ASTN2: variants seen among roughly 807,000 people sequenced by gnomAD.
ASTN2 encodes astrotactin-2.
A neutral mutation model predicts 139.8 loss-of-function variants in ASTN2; 54 were observed. The ratio of observed to expected loss-of-function variants is 0.39; its 90% confidence interval spans 0.31 to 0.48. The LOEUF (loss-of-function observed/expected upper bound fraction) is 0.48, where lower values mean the gene tolerates loss of function less well. Ranked by LOEUF, ASTN2 falls within the 20% of genes least tolerant of loss-of-function variation. The probability of loss-of-function intolerance (pLI) is 0.95; values close to 1 mark genes in which losing one functional copy is unlikely to be tolerated. For missense variants in ASTN2, 1,565 were observed against 1,725.1 expected (o/e 0.91, Z 1.64); for synonymous variants, 756 against 719.5 (o/e 1.05, Z -0.81).
intron 3 of ASTN2, among the ~76,000 whole-genome samples, chr9:117,172,303 C>T (rs1404607851): frequency 6.6e-6 from 1 of 151,916 alleles, no homozygotes; most frequent in Non-Finnish European, 1.5e-5. Flanking sequence ...CTTGTTTGAC[C>T]AAAGAACTGG....
chr9:117,347,772 G>A (rs1193076577), intron 1 of ASTN2, among the ~76,000 whole-genome samples: 1 of 152,156 alleles, frequency 6.6e-6, no homozygotes, highest in Non-Finnish European at 1.5e-5. Context: ...TTGCTAAAGA[G>A]GAACAAAAAG....
intron 19 of ASTN2, chr9:116,613,576 G>A (rs7033025): frequency 0.022 from 3,376 of 155,766 alleles, 127 homozygotes; most frequent in African/African-American, 0.077. Context: ...TTCAATATCC[G>A]CAAATCAATA....
At chr9:116,725,176 G>A (rs1332368704) in intron 16 of ASTN2, among the ~76,000 whole-genome samples, 2 of 152,150 alleles carry the variant, frequency 1.3e-5, no homozygotes, top group Admixed American at 6.5e-5. Context: ...CACAAGGTGA[G>A]TGGGCAGAGA....
intron 10 of ASTN2, among the ~76,000 whole-genome samples, chr9:116,881,823 G>A (rs759161052): frequency 1.3e-5 from 2 of 152,216 alleles, no homozygotes; most frequent in African/African-American, 2.4e-5. Context: ...AAAAATTTTA[G>A]TAGTAGACAG....
At chr9:117,358,511 A>T (rs1031708269) in intron 1 of ASTN2, among the ~76,000 whole-genome samples, 1 of 152,136 alleles carries the variant, frequency 6.6e-6, no homozygotes, top group African/African-American at 2.4e-5. Flanking sequence ...TTTGAATGCG[A>T]AAGGGGCCAG....
chr9:117,210,697 T>A (rs1385125066), intron 3 of ASTN2, among the ~76,000 whole-genome samples: 3 of 152,100 alleles, frequency 2.0e-5, no homozygotes, highest in Non-Finnish European at 4.4e-5. Context: ...TTCTTTCTAA[T>A]TCATTCTACA....
chr9:117,199,216 T>A (rs10759907), intron 3 of ASTN2, among the ~76,000 whole-genome samples: 59,899 of 152,070 alleles, frequency 0.39, 13,531 homozygotes, highest in Middle Eastern at 0.55. Flanking sequence ...CATGCCTATA[T>A]CCTGAATGGT....
chr9:117,271,798 G>C (rs1207228077), intron 2 of ASTN2, among the ~76,000 whole-genome samples: 1 of 152,228 alleles, frequency 6.6e-6, no homozygotes, highest in Admixed American at 6.5e-5. Flanking sequence ...AGGTCACGCT[G>C]ATGCAAGAGG....
At chr9:116,907,653 C>T (rs989857608) in intron 10 of ASTN2, among the ~76,000 whole-genome samples, 7 of 152,242 alleles carry the variant, frequency 4.6e-5, no homozygotes, top group Non-Finnish European at 7.4e-5. Context: ...ACACCTGTAC[C>T]GTGCTCAGGG....
At chr9:117,057,258 A>G (rs1041064043) in intron 5 of ASTN2, among the ~76,000 whole-genome samples, 3 of 152,134 alleles carry the variant, frequency 2.0e-5, no homozygotes, top group African/African-American at 7.2e-5. Flanking sequence ...TGCATTTATA[A>G]AAATGCTTCC....
intron 10 of ASTN2, among the ~76,000 whole-genome samples, chr9:116,893,493 G>A (rs1833812556): frequency 1.3e-5 from 2 of 152,064 alleles, no homozygotes; most frequent in Admixed American, 1.3e-4. Context: ...TACTAGCTAG[G>A]TGACTTTGCA....
rs185428887 is a variant in ASTN2, at chr9:116,878,387, C to T, written c.1890-14654G>A. Among the ~76,000 whole-genome samples the T allele has an allele frequency of 5.7e-3, 874 of 152,282 alleles. 5 individuals are homozygous for T. The highest frequency in any genetic ancestry group is 7.7e-3 in the Non-Finnish European group (521 of 68,034). The stretch of plus-strand genomic sequence containing the variant: ...ACTATGCAGCCATAAAAAGGAAGGT[C>T]ATGTCCTTTGCAGGGGCACAGTTGG... On this transcript the variant is annotated intron_variant, in intron 10 of 22. Transcript: ENST00000313400.
At chr9:117,294,956 A>C (rs1357265143) in intron 1 of ASTN2, among the ~76,000 whole-genome samples, 1 of 152,208 alleles carries the variant, frequency 6.6e-6, no homozygotes, top group East Asian at 1.9e-4. Context: ...CTCTAGCTGA[A>C]GTGGTCCTCT....
rs1831121601 is a variant in ASTN2, at chr9:117,410,152, T to G, written c.442+4345A>C. On this transcript the variant is annotated intron_variant, in intron 1 of 22. Coordinates refer to ENST00000313400, the MANE Select transcript of ASTN2 (RefSeq NM_001365068.1). ...TTGACAATGAGTGCTTATTCAATTT[T>G]ATTGCTTTTTCCTGCTTTTGCTGAA... Among the ~76,000 whole-genome samples, 7 of 152,230 alleles carry G rather than the reference T, an allele frequency of 4.6e-5. No individual in the cohort carries two copies. The South Asian group carries it at 1.4e-3, about 32-fold the overall frequency.
chr9:116,938,078 A>C (rs1247085618), intron 10 of ASTN2, among the ~76,000 whole-genome samples: 1 of 152,180 alleles, frequency 6.6e-6, no homozygotes, highest in South Asian at 2.1e-4. Context: ...CCTTTGTTCA[A>C]TCATGCAGTG....
intron 13 of ASTN2, among the ~76,000 whole-genome samples, chr9:116,741,126 T>G (rs1006866336): frequency 3.9e-5 from 6 of 152,082 alleles, no homozygotes; most frequent in African/African-American, 1.4e-4. Flanking sequence ...GTCCTACCCT[T>G]CCTCAGGTCT....
At chr9:116,688,624 T>A (rs1860398945) in intron 16 of ASTN2, among the ~76,000 whole-genome samples, 1 of 149,100 alleles carries the variant, frequency 6.7e-6, no homozygotes, top group Non-Finnish European at 1.5e-5. Flanking sequence ...ACTAACTCCA[T>A]TCTGACCACC....
intron 1 of ASTN2, among the ~76,000 whole-genome samples, chr9:117,361,303 C>G (rs1306055212): frequency 6.6e-6 from 1 of 152,152 alleles, no homozygotes; most frequent in African/African-American, 2.4e-5. Context: ...ACAGGATTCA[C>G]CTAAGTGGGA....
chr9:117,140,565 A>G (rs1341399862), intron 4 of ASTN2, among the ~76,000 whole-genome samples: 1 of 151,288 alleles, frequency 6.6e-6, no homozygotes, highest in Non-Finnish European at 1.5e-5. Flanking sequence ...AGGAGGAGGA[A>G]GAGAAGTAGG....
Sources: allele counts gnomAD v4.1 joint callset (sites outside exome capture counted in the v4.1 genomes callset), GRCh38; gene constraint gnomAD v4.1.1; transcripts MANE v1.5; gene names NCBI Gene and HGNC (gene_info 2026-07-23, HGNC 2026-07-21).